Variants in OR51E2 observed in about 807,000 individuals in gnomAD.
OR51E2 encodes the protein olfactory receptor family 51 subfamily E member 2, also known as olfactory receptor 51E2.
OR51E2 carries 14 observed loss-of-function variants against 13.7 expected under a neutral mutation model. The ratio of observed to expected loss-of-function variants is 1.02; its 90% CI spans 0.68 to 1.60. The LOEUF (loss-of-function observed/expected upper bound fraction) is 1.60, where lower values mean the gene tolerates loss of function less well. Among genes scored for constraint, OR51E2 ranks in the 40% most tolerant of loss-of-function variants. The probability of loss-of-function intolerance (pLI) is 0.00; values close to 1 mark genes in which losing one functional copy is unlikely to be tolerated. For synonymous variants in OR51E2, 180 were observed against 157.6 expected (o/e 1.14, Z -1.07); for missense variants, 483 against 413.8 (o/e 1.17, Z -1.45).
chr11:4,697,333 C>A (rs575843354), intron 1 of OR51E2, among the ~76,000 whole-genome samples: 2 of 152,102 alleles, frequency 1.3e-5, no homozygotes, highest in African/African-American at 2.4e-5. Flanking sequence ...GCAATGCGTT[C>A]GAAATTGGTA....
In OR51E2 at chr11:4,681,616, T is replaced by C. The variant is rs1449890451; in HGVS notation, c.*133A>G. On this transcript the variant is annotated 3_prime_UTR_variant, in exon 2 of 2. Transcript: ENST00000396950. Reference sequence around the variant, plus strand: ...CACATAATAGTCCTTTAGGTAGATGTACCATACTTTAGTTTACTATTCCAG... The same window carrying C: ...CACATAATAGTCCTTTAGGTAGATGCACCATACTTTAGTTTACTATTCCAG... 5.5e-6 allele frequency: 5 copies of C among 909,536 alleles called. No individual in the cohort carries two copies. Among genetic ancestry groups the C allele is most frequent in the Non-Finnish European group, 8.5e-6 (5 of 587,984 alleles). 56.3% of individuals were successfully genotyped at this position (909,536 alleles called of 1,614,324 possible). A position where few individuals can be genotyped will look rare whatever the true frequency, so the allele number is the denominator to read the frequency against.
chr11:4,681,275 A>G lies in OR51E2; in HGVS notation c.*474T>C, dbSNP rs374530405. The G allele has an allele frequency of 1.9e-4, 31 of 163,178 alleles. No individual in the cohort carries two copies. Among genetic ancestry groups the G allele is most frequent in the Middle Eastern group, 3.2e-3 (1 of 314 alleles). The allele number at this position is 163,178 out of a possible 1,614,324, so 10.1% of individuals were successfully genotyped here. A position where few individuals can be genotyped will look rare whatever the true frequency, so the allele number is the denominator to read the frequency against. On this transcript the variant is annotated 3_prime_UTR_variant, in exon 2 of 2. Transcript: ENST00000396950. ...GCTGAGGCAGAAGAATTACTTCAAC[A>G]TGGGATGTGGAGGTTGCAGTGAGCC...
chr11:4,686,093 G>A (rs956371532), intron 1 of OR51E2, among the ~76,000 whole-genome samples: 2 of 152,136 alleles, frequency 1.3e-5, no homozygotes, highest in Admixed American at 6.5e-5. Flanking sequence ...CATTCTCAAG[G>A]CTAGTTTTGT....
intron 1 of OR51E2, among the ~76,000 whole-genome samples, chr11:4,686,484 G>T (rs779563125): frequency 6.6e-6 from 1 of 152,158 alleles, no homozygotes; most frequent in Non-Finnish European, 1.5e-5. Flanking sequence ...ATGGTTTTAA[G>T]CAGGGACATC....
In OR51E2 at chr11:4,695,064, G is replaced by T. The variant is rs567922715; in HGVS notation, c.-51+2589C>A. On this transcript the variant is annotated intron_variant, in intron 1 of 1. Transcript: ENST00000396950. ...GGTATATCGAAGTCTTAAATGTGAG[G>T]CTAGGTGCTGTGGGAAATGAAGCTA... 5.3e-5 allele frequency among the ~76,000 whole-genome samples: 8 copies of T among 152,206 alleles called. No individual in the cohort carries two copies. In the South Asian group the frequency reaches 1.7e-3, roughly 32 times the overall value.
chr11:4,681,720 A>G lies in OR51E2; in HGVS notation c.*29T>C. On this transcript the variant is annotated 3_prime_UTR_variant, in exon 2 of 2. Coordinates refer to ENST00000396950, the MANE Select transcript of OR51E2 (RefSeq NM_030774.4). The stretch of plus-strand genomic sequence containing the variant: ...AAATAATTATGTTTATCAAGCCAAT[A>G]AAGATAAGGAGAAGTGTAGTGTTAA... The G allele has an allele frequency of 6.2e-7, 1 of 1,606,308 alleles. No individual in the cohort carries two copies. Among genetic ancestry groups the G allele is most frequent in the South Asian group, 1.1e-5 (1 of 90,830 alleles).
In OR51E2 at chr11:4,681,795, A is replaced by C; in HGVS notation, c.917T>G (p.Phe306Cys). The change falls in exon 2 of 2, where the codon TTC becomes TGC. Residue 306 changes from phenylalanine (F) to cysteine (C), a missense_variant. Phe to Cys is a radical substitution (Grantham distance 205, BLOSUM62 -2). Transcript: ENST00000396950. ...CAAGTCCTTGTCACAGCTGATCTTG[A>C]ACATAGCCAGCACCCGTGTTCTGAT... Reference protein sequence around the residue: ...KQIRTRVLAMFKISCDKDLQA... With the variant: ...KQIRTRVLAMCKISCDKDLQA... 6.2e-7 allele frequency: 1 copy of C among 1,614,234 alleles called. No individual in the cohort carries two copies.
Position 4,682,286 on chromosome 11 carries a change from C to G in OR51E2, c.426G>C (p.Gln142His). The change falls in exon 2 of 2, where the codon CAG (glutamine) becomes CAC (histidine). Residue 142 changes from glutamine to histidine, a missense_variant. Physicochemically the swap from Gln to His is conservative, Grantham distance 24. Coordinates refer to ENST00000396950, the MANE Select transcript of OR51E2 (RefSeq NM_030774.4). Reference protein sequence around the residue: ...AAVLNNTVTAQIGIVAVVRGS... With the variant: ...AAVLNNTVTAHIGIVAVVRGS... ...CGCGGACCACAGCCACGATGCCAAT[C>G]TGGGCTGTTACTGTATTGTTGAGCA... 6.2e-7 allele frequency: 1 copy of G among 1,614,166 alleles called. No individual in the cohort carries two copies. Among genetic ancestry groups the G allele is most frequent in the Non-Finnish European group, 8.5e-7 (1 of 1,180,032 alleles).
At chr11:4,688,041 A>G (rs1474931970) in intron 1 of OR51E2, among the ~76,000 whole-genome samples, 2 of 152,148 alleles carry the variant, frequency 1.3e-5, no homozygotes, top group Non-Finnish European at 2.9e-5. Flanking sequence ...ACATTTTACT[A>G]TTTTTACTAT....
intron 1 of OR51E2, chr11:4,690,943 A>G (rs1377383605): frequency 8.8e-6 from 4 of 454,592 alleles, no homozygotes; most frequent in African/African-American, 4.0e-5. Context: ...AATGGAATGT[A>G]ATATATAGCA....
Position 4,682,080 on chromosome 11 carries a change from A to C in OR51E2, c.632T>G (p.Met211Arg). 2 of 1,614,228 alleles carry C rather than the reference A, an allele frequency of 1.2e-6. No homozygotes were observed. Among genetic ancestry groups the C allele is most frequent in the Non-Finnish European group, 1.7e-6 (2 of 1,180,040 alleles). ...CAGAAAATAGGACAAGGAGATGAACATTACGTCCACGCCCATGACCAGCAG... is the reference window on the plus strand; with the variant it reads ...CAGAAAATAGGACAAGGAGATGAACCTTACGTCCACGCCCATGACCAGCAG... ...AILLVMGVDV[M>R]FISLSYFLII... The change falls in exon 2 of 2, where the codon ATG (methionine) becomes AGG (arginine). Residue 211 changes from methionine to arginine, a missense_variant. Transcript: ENST00000396950.
chr11:4,693,443 T>A (rs576769723), intron 1 of OR51E2, among the ~76,000 whole-genome samples: 1 of 152,196 alleles, frequency 6.6e-6, no homozygotes, highest in Non-Finnish European at 1.5e-5. Flanking sequence ...TTGAGCAGGC[T>A]GGGCGCGGTG....
Position 4,681,952 on chromosome 11 carries a change from G to A in OR51E2, c.760C>T (p.Leu254Phe), listed in dbSNP as rs746396166. The change falls in exon 2 of 2, where the codon CTT (leucine) becomes TTT (phenylalanine). Residue 254 changes from leucine (L) to phenylalanine (F), a missense_variant. Transcript: ENST00000396950. Reference sequence around the variant, plus strand: ...CGGTGTACCACTGAGAGGCCAATAAGTGGCACATAGAAGGCGAGTACCACA... The same window carrying A: ...CGGTGTACCACTGAGAGGCCAATAAATGGCACATAGAAGGCGAGTACCACA... Reference protein sequence around the residue: ...IGVVLAFYVPLIGLSVVHRFG... With the variant: ...IGVVLAFYVPFIGLSVVHRFG... 7 of 1,614,126 alleles carry A rather than the reference G, an allele frequency of 4.3e-6. No individual in the cohort carries two copies. The highest frequency in any genetic ancestry group is 2.2e-5 in the East Asian group (1 of 44,876).
At chr11:4,685,871 G>A (rs77603283) in intron 1 of OR51E2, 2 of 152,186 alleles carry the variant, frequency 1.3e-5, no homozygotes, top group African/African-American at 2.4e-5. Flanking sequence ...GTCATACCCA[G>A]CAGGGTTACC....
At chr11:4,687,086 G>C (rs1170650226) in intron 1 of OR51E2, among the ~76,000 whole-genome samples, 2 of 152,044 alleles carry the variant, frequency 1.3e-5, no homozygotes, top group African/African-American at 4.8e-5. Flanking sequence ...CTTTGTAGTA[G>C]TAGTGTACAG....
At chr11:4,693,606 A>C (rs1189088204) in intron 1 of OR51E2, among the ~76,000 whole-genome samples, 1 of 152,290 alleles carries the variant, frequency 6.6e-6, no homozygotes, top group East Asian at 1.9e-4. Flanking sequence ...CTGTAGTTCC[A>C]GCTACTGGGG....
At position 4,681,365 on chromosome 11, in the gene OR51E2, T is replaced by G. The variant is rs942277009; in HGVS notation, c.*384A>C. 3 of 189,758 alleles carry G rather than the reference T, an allele frequency of 1.6e-5. No homozygotes were observed. Among genetic ancestry groups the G allele is most frequent in the Non-Finnish European group, 2.2e-5 (2 of 92,054 alleles). 11.8% of individuals were successfully genotyped at this position (189,758 alleles called of 1,614,324 possible). ...GACCCCATCTCAAAAAAAAAAAAAGTTGTATGTGACAGCTAACCATAATAA... is the reference window on the plus strand; with the variant it reads ...GACCCCATCTCAAAAAAAAAAAAAGGTGTATGTGACAGCTAACCATAATAA... On this transcript the variant is annotated 3_prime_UTR_variant, in exon 2 of 2. Coordinates refer to ENST00000396950, the MANE Select transcript of OR51E2 (RefSeq NM_030774.4).
chr11:4,687,972 G>A (rs1231052410), intron 1 of OR51E2, among the ~76,000 whole-genome samples: 2 of 152,100 alleles, frequency 1.3e-5, no homozygotes, highest in Non-Finnish European at 2.9e-5. Context: ...TTGTCTCTGG[G>A]GCATTGTACA....
chr11:4,695,637 C>T (rs1427657945), intron 1 of OR51E2, among the ~76,000 whole-genome samples: 6 of 152,088 alleles, frequency 3.9e-5, no homozygotes, highest in African/African-American at 9.7e-5. Flanking sequence ...TGATGTCACC[C>T]GTGATTTTCT....
Sources: gnomAD v4.1 joint callset for allele counts (sites outside exome capture counted in the v4.1 genomes callset) on GRCh38, gnomAD v4.1.1 for gene constraint, MANE v1.5 for transcripts, NCBI Gene and HGNC (gene_info 2026-07-23, HGNC 2026-07-21) for gene names.